The following PARP4 variants were observed in gnomAD, a reference collection of about 807,000 sequenced individuals.
PARP4 encodes the protein protein mono-ADP-ribosyltransferase PARP4.
A neutral mutation model predicts 187.7 loss-of-function variants in PARP4; 120 were observed. The observed-to-expected ratio is 0.64, with a 90% CI of 0.55 to 0.74. The LOEUF (loss-of-function observed/expected upper bound fraction) is 0.74. Ranked by LOEUF, PARP4 falls within the 30% of genes least tolerant of loss-of-function variation. The pLI is 0.00. For missense variants in PARP4, 1,836 were observed against 2,070.5 expected (o/e 0.89, Z 2.20); for synonymous variants, 654 against 740.9 (o/e 0.88, Z 1.90).
At chr13:24,450,975 G>A (rs9578734) in intron 24 of PARP4, among the ~76,000 whole-genome samples, 23,351 of 152,098 alleles carry the variant, frequency 0.15, 2,369 homozygotes, top group African/African-American at 0.28. Flanking sequence ...TCCTGGGCTG[G>A]AGCGATCCTC....
chr13:24,468,875 G>T, intron 17 of PARP4, 149 bp downstream of exon 17: 3 of 591,928 alleles, frequency 5.1e-6, no homozygotes, highest in Non-Finnish European at 9.0e-6. Context: ...TCTGACTGGC[G>T]TGGCTTCCCC....
rs747987355 is a variant in PARP4 at position 24,455,180 on chromosome 13, A to T, written c.2595T>A (p.Asp865Glu). 6.3e-7 allele frequency: 1 copy of T among 1,597,738 alleles called. No homozygotes were observed. Among genetic ancestry groups the T allele is most frequent in the Middle Eastern group, 1.7e-4 (1 of 5,990 alleles). ...ACMLVFQPDL[D>E]VDLPDLASES... ...CACTGGCTAGGTCAGGGAGGTCGAC[A>T]TCGAGATCGGGTTGAAAGACAAGCA... is the stretch of plus-strand genomic sequence containing the variant. The change falls in exon 22 of 34, where the codon GAT becomes GAA. Residue 865 changes from aspartate to glutamate, a missense_variant. Physicochemically the swap from Asp to Glu is conservative, Grantham distance 45. Around this residue, in one of 8 missense-constraint regions of PARP4, gnomAD observed 1,147 missense variants for 1,214.2 expected, o/e 0.94. Coordinates refer to ENST00000381989, the MANE Select transcript of PARP4 (RefSeq NM_006437.4).
intron 33 of PARP4, among the ~76,000 whole-genome samples, chr13:24,426,122 T>C (rs1477619791): frequency 6.6e-6 from 1 of 152,224 alleles, no homozygotes; most frequent in African/African-American, 2.4e-5. Flanking sequence ...CTGCCATTGT[T>C]GGGAACAGGG....
rs533661418 is a variant in PARP4 at position 24,431,797 on chromosome 13, T to C, written c.4747-321A>G. Among the ~76,000 whole-genome samples, 6 of 152,382 alleles carry C rather than the reference T, an allele frequency of 3.9e-5. No homozygotes were observed. The South Asian group carries it at 1.2e-3, about 32-fold the overall frequency. Reference sequence around the variant, plus strand: ...TAAAATAAAGTTCTTCATACACTAGTGACATAGTATTGTTTGGAACCTCAT... The same window carrying C: ...TAAAATAAAGTTCTTCATACACTAGCGACATAGTATTGTTTGGAACCTCAT... On this transcript the variant is annotated intron_variant, in intron 31 of 33. Coordinates refer to ENST00000381989, the MANE Select transcript of PARP4 (RefSeq NM_006437.4).
In PARP4 at chr13:24,422,512, C is replaced by T. The variant is rs1459811640; in HGVS notation, c.4980-1198G>A. Among the ~76,000 whole-genome samples the T allele has an allele frequency of 2.0e-5, 3 of 152,220 alleles. No individual in the cohort carries two copies. In the South Asian group the frequency reaches 6.2e-4, roughly 31 times the overall value. ...CGCTAGCAAGAAAATCTTGTGCCTA[C>T]ACCCCCATATAATGTGCTCTTGCAT... On this transcript the variant is annotated intron_variant, in intron 33 of 33. Transcript: ENST00000381989.
At chr13:24,507,699 G>A (rs1869786449) in intron 1 of PARP4, among the ~76,000 whole-genome samples, 1 of 152,192 alleles carries the variant, frequency 6.6e-6, no homozygotes, top group South Asian at 2.1e-4. Flanking sequence ...GCAGCTTCAG[G>A]AAACTTGTTG....
chr13:24,449,051 C>G (rs949835536), intron 25 of PARP4, among the ~76,000 whole-genome samples: 3 of 152,158 alleles, frequency 2.0e-5, no homozygotes, highest in South Asian at 2.1e-4. Context: ...GATGGTTGCA[C>G]AGCATTGTGA....
chr13:24,428,059 A>G (rs1452150722), intron 32 of PARP4, among the ~76,000 whole-genome samples: 4 of 152,244 alleles, frequency 2.6e-5, no homozygotes, highest in African/African-American at 4.8e-5. Flanking sequence ...AGTTGGGTAC[A>G]GAGATATAAA....
chr13:24,431,309 A>C, intron 32 of PARP4, 68 bp downstream of exon 32: 1 of 849,090 alleles, frequency 1.2e-6, no homozygotes, highest in Non-Finnish European at 1.9e-6. Flanking sequence ...AACAGTTTAC[A>C]ACAATTAGGA....
At chr13:24,500,218 GA>G in intron 4 of PARP4, 97 bp downstream of exon 4, 1 of 606,114 alleles carries the variant, frequency 1.6e-6, no homozygotes, top group Non-Finnish European at 2.8e-6. Flanking sequence ...ATTAAAATAA[GA>G]AAAAGTCTAC....
In PARP4 at chr13:24,494,632, G is replaced by T; in HGVS notation, c.682C>A (p.Leu228Ile). ...TCAGGTGTGAAATGTTCTCTTAGTA[G>T]AAATCCTTGTTTCTTCAGTTCTTCA... is the stretch of plus-strand genomic sequence containing the variant. ...YIEELKKQGF[L>I]LREHFTPEAT... is the part of the protein sequence containing the mutation. The change falls in exon 7 of 34, where the codon CTA becomes ATA. Residue 228 changes from leucine (L) to isoleucine (I), a missense_variant. Around this residue, in one of 8 missense-constraint regions of PARP4, gnomAD observed 1,147 missense variants for 1,214.2 expected, o/e 0.94. Coordinates refer to ENST00000381989, the MANE Select transcript of PARP4 (RefSeq NM_006437.4). 1.2e-6 allele frequency: 2 copies of T among 1,611,514 alleles called. No individual in the cohort carries two copies. The highest frequency in any genetic ancestry group is 1.7e-5 in the Admixed American group (1 of 59,930).
chr13:24,490,515 T>A (rs1460111886), intron 10 of PARP4, among the ~76,000 whole-genome samples, 153 bp downstream of exon 10: 1 of 152,186 alleles, frequency 6.6e-6, no homozygotes, highest in Non-Finnish European at 1.5e-5. Flanking sequence ...CAGGCACCGT[T>A]CTGAACAGAG....
chr13:24,492,381 T>G (rs772594614), intron 9 of PARP4, 40 bp downstream of exon 9: 6 of 1,460,710 alleles, frequency 4.1e-6, no homozygotes, highest in Non-Finnish European at 5.6e-6. Context: ...ACCCTCAACA[T>G]ATTTTATAAT....
At chr13:24,505,618 C>T (rs574343725) in intron 1 of PARP4, among the ~76,000 whole-genome samples, 3 of 152,218 alleles carry the variant, frequency 2.0e-5, no homozygotes, top group East Asian at 1.9e-4. Context: ...TTTGTGCTAA[C>T]GCTGGGTTCA....
chr13:24,433,256 C>G (rs61947016), intron 31 of PARP4, among the ~76,000 whole-genome samples: 19,730 of 152,172 alleles, frequency 0.13, 1,565 homozygotes, highest in Middle Eastern at 0.29. Flanking sequence ...TTTTGACCTC[C>G]ACATTCTCAC....
At chr13:24,497,292 T>C (rs1170156959) in intron 6 of PARP4, among the ~76,000 whole-genome samples, 1 of 152,162 alleles carries the variant, frequency 6.6e-6, no homozygotes, top group African/African-American at 2.4e-5. Flanking sequence ...GGATTGGAAA[T>C]GTCACAGTGG....
intron 31 of PARP4, among the ~76,000 whole-genome samples, chr13:24,433,530 C>T (rs1379066843): frequency 3.3e-5 from 5 of 152,216 alleles, no homozygotes; most frequent in African/African-American, 4.8e-5. Context: ...TAAAGTCTCA[C>T]AGCTAACAAG....
intron 33 of PARP4, among the ~76,000 whole-genome samples, chr13:24,421,593 C>G (rs1374541929): frequency 6.6e-6 from 1 of 152,280 alleles, no homozygotes; most frequent in African/African-American, 2.4e-5. Flanking sequence ...AGCCGCTCTA[C>G]AGTTGTTTAT....
intron 17 of PARP4, among the ~76,000 whole-genome samples, chr13:24,461,885 G>C (rs1211963839): frequency 6.6e-6 from 1 of 152,168 alleles, no homozygotes; most frequent in Non-Finnish European, 1.5e-5. Flanking sequence ...CTGCTTTAGA[G>C]AGAAACAGCC....
Sources: allele counts gnomAD v4.1 joint callset (sites outside exome capture counted in the v4.1 genomes callset), GRCh38; gene constraint gnomAD v4.1.1; regional missense constraint gnomAD v4.1.1; transcripts MANE v1.5; gene names NCBI Gene and HGNC (gene_info 2026-07-23, HGNC 2026-07-21).